The following CSF1R variants were observed in gnomAD, a reference collection of about 807,000 sequenced individuals.
CSF1R encodes the protein macrophage colony-stimulating factor 1 receptor.
CSF1R carries 40 observed loss-of-function variants against 110.0 expected under a neutral mutation model. The observed-to-expected ratio is 0.36, with a 90% CI of 0.28 to 0.47. CSF1R has a LOEUF of 0.47. Ranked by LOEUF, CSF1R falls within the 20% of genes least tolerant of loss-of-function variation. The pLI, the probability that CSF1R is intolerant of heterozygous loss-of-function variation, is 0.99. For synonymous variants in CSF1R, 523 were observed against 503.4 expected, an observed-to-expected ratio of 1.04 and a Z score of -0.52; for missense variants, 1,052 against 1,253.0, an observed-to-expected ratio of 0.84 and a Z score of 2.42.
Position 150,068,539 on chromosome 5 carries a change from C to T in CSF1R, c.1511-209G>A, listed in dbSNP as rs1365523710. On this transcript the variant is annotated intron_variant, in intron 9 of 20. Coordinates refer to ENST00000675795, the MANE Select transcript of CSF1R (RefSeq NM_001288705.3). ...CGGCCTCTTCAGCTCTGCTCATGCC[C>T]AGCCCCAAACCCTGTCCAGAGTCAC... is the stretch of plus-strand genomic sequence containing the variant. Among the ~76,000 whole-genome samples, 4 of 152,162 alleles carry T rather than the reference C, an allele frequency of 2.6e-5. No homozygotes were observed. The East Asian group carries it at 7.7e-4, about 29-fold the overall frequency.
chr5:150,055,944 G>A (rs990167292), intron 18 of CSF1R, 82 bp downstream of exon 18: 19 of 1,278,956 alleles, frequency 1.5e-5, no homozygotes, highest in East Asian at 2.4e-5. Context: ...CTGTGTCCTG[G>A]GCACCAAACA....
At position 150,070,149 on chromosome 5, in the gene CSF1R, C is replaced by A. The variant is rs201032146; in HGVS notation, c.1319+33G>T. ...ACTCACAGGGTGCCCAGCCCCTGAGCCCAGGTGAGGGAGGTGAGTGGAGCC... is the reference window on the plus strand; with the variant it reads ...ACTCACAGGGTGCCCAGCCCCTGAGACCAGGTGAGGGAGGTGAGTGGAGCC... On this transcript the variant is annotated intron_variant, in intron 8 of 20. Coordinates refer to ENST00000675795, the MANE Select transcript of CSF1R (RefSeq NM_001288705.3). The A allele has an allele frequency of 5.0e-6, 8 of 1,610,762 alleles. No individual in the cohort carries two copies. In the East Asian group the frequency reaches 1.8e-4, roughly 36 times the overall value.
At chr5:150,066,819 G>A (rs555075505) in intron 10 of CSF1R, among the ~76,000 whole-genome samples, 3 of 152,306 alleles carry the variant, frequency 2.0e-5, no homozygotes, top group Non-Finnish European at 4.4e-5. Flanking sequence ...CAAACCCACT[G>A]ATGGCCTTGG....
rs57967086 is a variant in CSF1R, at chr5:150,091,852, CAAAAAAAAAAA to C, written c.-180-5256_-180-5246del. Among the ~76,000 whole-genome samples the C allele has an allele frequency of 7.8e-3, 555 of 71,238 alleles. 8 individuals are homozygous for C. Among genetic ancestry groups the C allele is most frequent in the Admixed American group, 9.9e-3 (51 of 5,150 alleles). The allele number at this position is 71,238 out of a possible 152,430, so 46.7% of individuals were successfully genotyped here. A position where few individuals can be genotyped will look rare whatever the true frequency, so the allele number is the denominator to read the frequency against. On this transcript the variant is annotated intron_variant, in intron 1 of 21. Transcript: ENST00000286301. ...TTCATTGCCAGCAGACCCATACTACCAAAAAAAAAAAAAAAAAAAAAAAAAAATCCTAAGGG... is the reference window on the plus strand; with the variant it reads ...TTCATTGCCAGCAGACCCATACTACCAAAAAAAAAAAAAAAATCCTAAGGG...
rs550516295 is a variant in CSF1R, at chr5:150,099,978, C to A, written c.-181+13283G>T. On this transcript the variant is annotated intron_variant, in intron 1 of 21. Coordinates refer to the CSF1R transcript ENST00000286301. ...AGGGAAGTCTTTCTATAATAGATAT[C>A]AAGAAATATTATAAAGATAGTTAAG... Among the ~76,000 whole-genome samples, 56 of 152,182 alleles carry A rather than the reference C, an allele frequency of 3.7e-4. No individual in the cohort carries two copies. Among genetic ancestry groups the A allele is most frequent in the Non-Finnish European group, 1.2e-4 (8 of 68,006 alleles).
chr5:150,081,082 G>A (rs773289213), intron 1 of CSF1R, 58 bp from the exon 2 acceptor site: 35 of 1,584,818 alleles, frequency 2.2e-5, no homozygotes, highest in Middle Eastern at 1.7e-4. Flanking sequence ...CCCTTGGGCC[G>A]TCCTGACTCT....
chr5:150,083,379 C>T (rs896589458), intron 1 of CSF1R, among the ~76,000 whole-genome samples: 3 of 150,266 alleles, frequency 2.0e-5, no homozygotes, highest in Admixed American at 6.6e-5. Context: ...CACACACACA[C>T]ACACACACAC....
chr5:150,085,781 C>T (rs971635251), intron 1 of CSF1R, among the ~76,000 whole-genome samples: 14 of 152,136 alleles, frequency 9.2e-5, no homozygotes, highest in African/African-American at 3.4e-4. Context: ...AACCACCACC[C>T]CTATCAGGCC....
intron 10 of CSF1R, among the ~76,000 whole-genome samples, 195 bp from the exon 11 acceptor site, chr5:150,062,044 CTTG>C (rs1455906818): frequency 4.6e-5 from 7 of 152,142 alleles, no homozygotes; most frequent in African/African-American, 1.4e-4. Flanking sequence ...TTGACTCTGC[CTTG>C]TTGTGTGACC....
intron 3 of CSF1R, among the ~76,000 whole-genome samples, chr5:150,078,726 G>A (rs972685319): frequency 4.6e-5 from 7 of 152,104 alleles, no homozygotes; most frequent in African/African-American, 1.4e-4. Flanking sequence ...ACTGCAGCCC[G>A]CTGGACCTCT....
Position 150,056,255 on chromosome 5 carries a change from G to A in CSF1R, c.2406C>T (p.Asp802=), listed in dbSNP as rs1757214636. ...CAATGTAGTTGGAGTCATTCATGATGTCCCTAGCCAGCCCGAAGTCCCCAA... is the reference window on the plus strand; with the variant it reads ...CAATGTAGTTGGAGTCATTCATGATATCCCTAGCCAGCCCGAAGTCCCCAA... ...AKIGDFGLAR[D]IMNDSNYIVK... Residue 802 remains aspartate (D), a synonymous_variant, in exon 17 of 21, where the codon GAC becomes GAT. Transcript: ENST00000675795. 1 of 1,614,154 alleles carries A rather than the reference G, an allele frequency of 6.2e-7. No homozygotes were observed. Among genetic ancestry groups the A allele is most frequent in the Admixed American group, 1.7e-5 (1 of 60,026 alleles).
chr5:150,098,618 T>C (rs1485265793), intron 1 of CSF1R: 1 of 152,184 alleles, frequency 6.6e-6, no homozygotes, highest in African/African-American at 2.4e-5. Flanking sequence ...TTGCATATCT[T>C]ATAAAGGACT....
At chr5:150,084,452 A>AAGGAAGGAAGGAAGGG (rs1440617992) in intron 1 of CSF1R, among the ~76,000 whole-genome samples, 4 of 84,188 alleles carry the variant, frequency 4.8e-5, no homozygotes, top group Non-Finnish European at 9.5e-5. Context: ...GGAAGGAAGG[A>AAGGAAGGAAGGAAGGG]AGGAAGAAAG....
chr5:150,055,491 G>C (rs922178234), intron 18 of CSF1R, among the ~76,000 whole-genome samples, 155 bp from the exon 19 acceptor site: 2 of 152,236 alleles, frequency 1.3e-5, no homozygotes, highest in African/African-American at 4.8e-5. Context: ...GCCAGCCAGT[G>C]TGTGGCAGGC....
At chr5:150,111,459 C>T (rs67100729) in intron 1 of CSF1R, among the ~76,000 whole-genome samples, 11,257 of 152,314 alleles carry the variant, frequency 0.074, 571 homozygotes, top group East Asian at 0.25. Flanking sequence ...CTGAGAGGCC[C>T]AAGCCCTCCC....
In CSF1R at chr5:150,053,716, T is replaced by C. The variant is rs1757034131; in HGVS notation, c.*353A>G. ...CTGGTTTTCTCAGTATCAGTGTAGC[T>C]CCTGGGGACTTCATAGGCATAAAGT... is the stretch of plus-strand genomic sequence containing the variant. On this transcript the variant is annotated 3_prime_UTR_variant, in exon 21 of 21. Transcript: ENST00000675795. 1 of 398,886 alleles carries C rather than the reference T, an allele frequency of 2.5e-6. No homozygotes were observed. Among genetic ancestry groups the C allele is most frequent in the Non-Finnish European group, 4.6e-6 (1 of 216,210 alleles). 24.7% of individuals were successfully genotyped at this position (398,886 alleles called of 1,614,324 possible).
intron 2 of CSF1R, 147 bp from the exon 3 acceptor site, chr5:150,080,483 G>A (rs761181580): frequency 4.2e-5 from 49 of 1,165,930 alleles, no homozygotes; most frequent in African/African-American, 7.7e-5. Flanking sequence ...ATGCTTCAGC[G>A]TGGTGGCTCC....
At chr5:150,103,654 T>A (rs1325172296) in intron 1 of CSF1R, among the ~76,000 whole-genome samples, 1 of 152,192 alleles carries the variant, frequency 6.6e-6, no homozygotes, top group Non-Finnish European at 1.5e-5. Context: ...CTGTGAGGCC[T>A]TCCAGAGCAG....
intron 18 of CSF1R, 73 bp from the exon 19 acceptor site, chr5:150,055,409 T>C: frequency 7.8e-7 from 1 of 1,284,576 alleles, no homozygotes; most frequent in South Asian, 1.2e-5. Flanking sequence ...CACACACATC[T>C]TAGACTGGGT....
Sources: gnomAD v4.1 joint callset for allele counts (sites outside exome capture counted in the v4.1 genomes callset) on GRCh38, gnomAD v4.1.1 for gene constraint, MANE v1.5 for transcripts, NCBI Gene and HGNC (gene_info 2026-07-23, HGNC 2026-07-21) for gene names.